Variants in ROBO2 observed in about 807,000 individuals in gnomAD.
The protein encoded by ROBO2 is roundabout guidance receptor 2, also known as roundabout homolog 2.
In ROBO2, 53 loss-of-function variants were observed where a neutral mutation model predicts 160.8. The ratio of observed to expected loss-of-function variants is 0.33; its 90% CI spans 0.26 to 0.41. The LOEUF is 0.41. Ranked by LOEUF, ROBO2 falls within the 10% of genes least tolerant of loss-of-function variation. ROBO2 has a pLI of 1.00. For synonymous variants in ROBO2, 664 were observed against 611.7 expected (o/e 1.09, Z -1.26); for missense variants, 1,577 against 1,722.4 (o/e 0.92, Z 1.49).
chr3:77,117,225 G>A (rs2074298765), intron 2 of ROBO2, among the ~76,000 whole-genome samples: 1 of 152,094 alleles, frequency 6.6e-6, no homozygotes, highest in South Asian at 2.1e-4. Flanking sequence ...TGGAAACAAT[G>A]TGACATATAA....
chr3:77,559,806 A>G (rs947938451), intron 9 of ROBO2, among the ~76,000 whole-genome samples: 3 of 151,968 alleles, frequency 2.0e-5, no homozygotes, highest in African/African-American at 7.2e-5. Context: ...TATATATATA[A>G]TATTTATCTT....
intron 1 of ROBO2, among the ~76,000 whole-genome samples, chr3:77,046,218 A>G (rs1183612466): frequency 6.6e-6 from 1 of 152,200 alleles, no homozygotes; most frequent in East Asian, 1.9e-4. Flanking sequence ...TTAGCAATAT[A>G]TGAAGTAGAT....
intron 6 of ROBO2, among the ~76,000 whole-genome samples, chr3:77,526,642 T>C (rs2153631241): frequency 6.6e-6 from 1 of 151,660 alleles, no homozygotes; most frequent in Non-Finnish European, 1.5e-5. Flanking sequence ...TTTGCATTAA[T>C]AACAGGGGCA....
At chr3:76,747,278 T>G (rs1318427131) in intron 2 of ROBO2, among the ~76,000 whole-genome samples, 1 of 152,114 alleles carries the variant, frequency 6.6e-6, no homozygotes, top group Non-Finnish European at 1.5e-5. Context: ...TACGCAAAAT[T>G]TCATATAACT....
intron 2 of ROBO2, among the ~76,000 whole-genome samples, chr3:77,392,262 A>T (rs1354686441): frequency 1.3e-5 from 2 of 152,058 alleles, no homozygotes; most frequent in African/African-American, 4.8e-5. Context: ...AACCTATTTG[A>T]CTCTGTCAGA....
At chr3:77,514,900 G>A (rs986735700) in intron 5 of ROBO2, among the ~76,000 whole-genome samples, 2 of 151,612 alleles carry the variant, frequency 1.3e-5, no homozygotes, top group African/African-American at 4.8e-5. Flanking sequence ...ATTGTCTTAG[G>A]GAAACCATGA....
At chr3:76,823,665 TA>T (rs1330418431) in intron 2 of ROBO2, among the ~76,000 whole-genome samples, 1 of 151,998 alleles carries the variant, frequency 6.6e-6, no homozygotes, top group Non-Finnish European at 1.5e-5. Flanking sequence ...ATAGAAAGAG[TA>T]AAAACATCCC....
At chr3:77,637,441 CT>C (rs1468251096) in intron 24 of ROBO2, among the ~76,000 whole-genome samples, 1 of 152,086 alleles carries the variant, frequency 6.6e-6, no homozygotes, top group Non-Finnish European at 1.5e-5. Context: ...TTCCTGCTTC[CT>C]TTGTTTTCAA....
At chr3:76,268,470 T>C (rs1261823221) in intron 2 of ROBO2, among the ~76,000 whole-genome samples, 1 of 152,144 alleles carries the variant, frequency 6.6e-6, no homozygotes, top group African/African-American at 2.4e-5. Context: ...GTGTAGTTTC[T>C]TGTGAGGCCT....
chr3:77,068,716 T>A (rs1384792573), intron 1 of ROBO2, among the ~76,000 whole-genome samples: 1 of 152,072 alleles, frequency 6.6e-6, no homozygotes, highest in African/African-American at 2.4e-5. Context: ...AATAAAGTAA[T>A]GTTTTTGTGA....
At chr3:76,187,188 G>T (rs1043007431) in intron 2 of ROBO2, among the ~76,000 whole-genome samples, 1 of 151,960 alleles carries the variant, frequency 6.6e-6, no homozygotes, top group African/African-American at 2.4e-5. Flanking sequence ...CCAAATATTT[G>T]CCTGGAATCA....
chr3:76,856,820 A>G (rs2070145279), intron 2 of ROBO2, among the ~76,000 whole-genome samples: 1 of 152,250 alleles, frequency 6.6e-6, no homozygotes, highest in Admixed American at 6.5e-5. Flanking sequence ...ACCCTGTATT[A>G]GCAGACAGAT....
intron 2 of ROBO2, among the ~76,000 whole-genome samples, chr3:77,212,911 C>G (rs2084382445): frequency 6.6e-6 from 1 of 152,132 alleles, no homozygotes; most frequent in Non-Finnish European, 1.5e-5. Context: ...AGCCTTGCAT[C>G]CCAGGGATGA....
At chr3:76,787,225 T>C (rs2063040834) in intron 2 of ROBO2, among the ~76,000 whole-genome samples, 1 of 151,200 alleles carries the variant, frequency 6.6e-6, no homozygotes, top group African/African-American at 2.4e-5. Flanking sequence ...CACAATGCCT[T>C]TATAAAATTT....
chr3:77,394,333 C>T (rs1581609715), intron 2 of ROBO2, among the ~76,000 whole-genome samples: 1 of 152,148 alleles, frequency 6.6e-6, no homozygotes, highest in South Asian at 2.1e-4. Context: ...ATGCCGTTGG[C>T]TGGTCGCCTC....
chr3:76,330,803 C>T (rs1459094813), intron 2 of ROBO2, among the ~76,000 whole-genome samples: 1 of 151,372 alleles, frequency 6.6e-6, no homozygotes, highest in Non-Finnish European at 1.5e-5. Context: ...AATAAATGGT[C>T]CAGTGATGTC....
chr3:77,232,628 G>A (rs2087378236), intron 2 of ROBO2, among the ~76,000 whole-genome samples: 3 of 152,142 alleles, frequency 2.0e-5, no homozygotes, highest in African/African-American at 7.2e-5. Flanking sequence ...GATTGAGGGA[G>A]GCATTACCTG....
At chr3:77,248,520 G>C (rs1468736206) in intron 2 of ROBO2, among the ~76,000 whole-genome samples, 2 of 152,160 alleles carry the variant, frequency 1.3e-5, no homozygotes, top group Non-Finnish European at 2.9e-5. Flanking sequence ...GGGGCTTCAG[G>C]GGTCGCGAGC....
intron 2 of ROBO2, among the ~76,000 whole-genome samples, chr3:76,472,320 G>A (rs2078708745): frequency 6.6e-6 from 1 of 151,998 alleles, no homozygotes; most frequent in Non-Finnish European, 1.5e-5. Context: ...AATAGCTTAT[G>A]AGTTTTTAGT....
Sources: gnomAD v4.1 joint callset for allele counts (sites outside exome capture counted in the v4.1 genomes callset) on GRCh38, gnomAD v4.1.1 for gene constraint, MANE v1.5 for transcripts, NCBI Gene and HGNC (gene_info 2026-07-23, HGNC 2026-07-21) for gene names.